The following FARP1 variants were observed in gnomAD, a reference collection of about 807,000 sequenced individuals.
The protein encoded by FARP1 is FERM, ARH/RhoGEF and pleckstrin domain protein 1, also known as FERM, ARHGEF and pleckstrin domain-containing protein 1.
FARP1 carries 52 observed loss-of-function variants against 128.8 expected under a neutral mutation model. The ratio of observed to expected loss-of-function variants is 0.40; its 90% CI spans 0.32 to 0.51. FARP1 has a LOEUF of 0.51. Among genes scored for constraint, FARP1 ranks in the 20% least tolerant of loss-of-function variants. FARP1 has a pLI of 0.45. For missense variants in FARP1, 1,333 were observed against 1,367.9 expected (o/e 0.97, Z 0.40); for synonymous variants, 580 against 551.8 (o/e 1.05, Z -0.72).
intron 13 of FARP1, chr13:98,404,995 G>C (rs1423670391): frequency 1.3e-5 from 2 of 152,194 alleles, no homozygotes; most frequent in East Asian, 3.8e-4. Context: ...GACAGGTACA[G>C]TTAAGTACTA....
chr13:98,414,794 G>A (rs1230203529), intron 16 of FARP1, among the ~76,000 whole-genome samples: 1 of 152,160 alleles, frequency 6.6e-6, no homozygotes, highest in Non-Finnish European at 1.5e-5. Flanking sequence ...CACCACACTC[G>A]GCTTTCACGT....
At chr13:98,367,999 A>T (rs1230165105) in intron 4 of FARP1, 118 bp from the exon 5 acceptor site, 5 of 723,190 alleles carry the variant, frequency 6.9e-6, no homozygotes, top group Non-Finnish European at 1.2e-5. Flanking sequence ...AAAATGGCAG[A>T]TGTGCACTTG....
intron 1 of FARP1, among the ~76,000 whole-genome samples, chr13:98,145,861 CAAA>C (rs140525790): frequency 4.6e-5 from 6 of 131,230 alleles, no homozygotes; most frequent in Non-Finnish European, 6.3e-5. Flanking sequence ...GACTCTGTCT[CAAA>C]AAAAAAAAAA....
At chr13:98,422,209 G>A (rs761614812) in intron 16 of FARP1, among the ~76,000 whole-genome samples, 9 of 152,218 alleles carry the variant, frequency 5.9e-5, no homozygotes, top group South Asian at 2.1e-4. Flanking sequence ...AAAGCTTCCC[G>A]TAGCAGATGA....
intron 1 of FARP1, among the ~76,000 whole-genome samples, chr13:98,157,729 A>AAGCTC (rs1876589316): frequency 6.6e-6 from 1 of 152,220 alleles, no homozygotes; most frequent in Non-Finnish European, 1.5e-5. Flanking sequence ...GCAGAGATAG[A>AAGCTC]AGCTCAGGAA....
At chr13:98,350,810 C>T (rs1035149163) in intron 3 of FARP1, among the ~76,000 whole-genome samples, 2 of 152,110 alleles carry the variant, frequency 1.3e-5, no homozygotes, top group African/African-American at 4.8e-5. Context: ...TGTGAGTGTA[C>T]CCTTTATTTG....
chr13:98,436,879 C>T (rs1892290714), intron 19 of FARP1, among the ~76,000 whole-genome samples: 1 of 152,214 alleles, frequency 6.6e-6, no homozygotes, highest in South Asian at 2.1e-4. Context: ...TTTAGCATCT[C>T]ATGCTACATG....
At chr13:98,446,882 T>C (rs560571088) in intron 26 of FARP1, 65 bp downstream of exon 26, 1 of 1,569,180 alleles carries the variant, frequency 6.4e-7, no homozygotes, top group South Asian at 1.1e-5. Context: ...AACATCAGGA[T>C]TTCTCCCAAG....
intron 1 of FARP1, among the ~76,000 whole-genome samples, chr13:98,160,021 T>G (rs1178603097): frequency 3.9e-5 from 6 of 152,244 alleles, no homozygotes; most frequent in Admixed American, 1.3e-4. Context: ...GTCTTAAAGA[T>G]GTACTTTAGC....
chr13:98,191,669 A>C (rs572646076), intron 1 of FARP1, among the ~76,000 whole-genome samples: 1 of 152,188 alleles, frequency 6.6e-6, no homozygotes, highest in Non-Finnish European at 1.5e-5. Context: ...TTGGCCAGGT[A>C]CAGTGGCTCA....
intron 1 of FARP1, among the ~76,000 whole-genome samples, chr13:98,200,833 C>T (rs1309930635): frequency 6.6e-6 from 1 of 152,148 alleles, no homozygotes; most frequent in Non-Finnish European, 1.5e-5. Context: ...TGAGGTGACA[C>T]TGGGACTGGC....
At chr13:98,439,841 G>A in intron 21 of FARP1, 120 bp from the exon 22 acceptor site, 3 of 698,736 alleles carry the variant, frequency 4.3e-6, no homozygotes, top group Non-Finnish European at 7.3e-6. Flanking sequence ...GTGGGGCTCT[G>A]GGTCTCCTGA....
At chr13:98,306,550 T>C (rs949859587) in intron 2 of FARP1, among the ~76,000 whole-genome samples, 7 of 152,124 alleles carry the variant, frequency 4.6e-5, no homozygotes, top group African/African-American at 1.4e-4. Context: ...GATCTCACTC[T>C]GTTGCCCAGG....
At chr13:98,148,788 A>G (rs543629126) in intron 1 of FARP1, among the ~76,000 whole-genome samples, 306 of 152,168 alleles carry the variant, frequency 2.0e-3, no homozygotes, top group African/African-American at 7.1e-3. Context: ...GTTGCTGTCT[A>G]ATTATTTGTA....
chr13:98,319,378 T>G (rs564332205), intron 2 of FARP1, among the ~76,000 whole-genome samples: 35 of 152,280 alleles, frequency 2.3e-4, no homozygotes, highest in African/African-American at 6.7e-4. Flanking sequence ...CCCAGCACTT[T>G]GGGAGGCTGA....
At chr13:98,249,059 G>A (rs1883204760) in intron 2 of FARP1, among the ~76,000 whole-genome samples, 1 of 152,082 alleles carries the variant, frequency 6.6e-6, no homozygotes. Context: ...AATTTATATT[G>A]TTCAGTTGAT....
intron 1 of FARP1, among the ~76,000 whole-genome samples, chr13:98,192,021 T>G (rs1240093567): frequency 6.6e-6 from 1 of 152,094 alleles, no homozygotes; most frequent in East Asian, 1.9e-4. Flanking sequence ...GCAAGTCAAA[T>G]TCTTTGCATC....
At chr13:98,312,018 A>T (rs115303703) in intron 2 of FARP1, among the ~76,000 whole-genome samples, 312 of 142,620 alleles carry the variant, frequency 2.2e-3, no homozygotes, top group African/African-American at 7.7e-3. Context: ...TAATTTTTGT[A>T]TTTTTTTAGG....
chr13:98,274,488 A>AT (rs1884541834), intron 2 of FARP1, among the ~76,000 whole-genome samples: 1 of 152,236 alleles, frequency 6.6e-6, no homozygotes, highest in East Asian at 1.9e-4. Flanking sequence ...CACCAACCTA[A>AT]TATTTCTACG....
Sources: gnomAD v4.1 joint callset for allele counts (sites outside exome capture counted in the v4.1 genomes callset) on GRCh38, gnomAD v4.1.1 for gene constraint, MANE v1.5 for transcripts, NCBI Gene and HGNC (gene_info 2026-07-23, HGNC 2026-07-21) for gene names.